Variants in REDIC1 observed in about 807,000 individuals in gnomAD.
REDIC1 encodes the protein regulator of DNA class I crossover intermediates 1.
the REDIC1 span, among the ~76,000 whole-genome samples, chr12:39,717,971 C>T: frequency 6.7e-6 from 1 of 148,282 alleles, no homozygotes. Flanking sequence ...CACCTTTCAC[C>T]TTTTTTTTTT....
At chr12:39,774,523 A>C in the REDIC1 span, among the ~76,000 whole-genome samples, 1 of 151,076 alleles carries the variant, frequency 6.6e-6, no homozygotes, top group Non-Finnish European at 1.5e-5. Flanking sequence ...ATGGTTTCCT[A>C]GCTTGCAGTG....
chr12:39,653,324 C>G, the REDIC1 span, among the ~76,000 whole-genome samples: 1 of 151,536 alleles, frequency 6.6e-6, no homozygotes, highest in African/African-American at 2.4e-5. Flanking sequence ...TTGGATTATT[C>G]CTCGGTAGTG....
the REDIC1 span, among the ~76,000 whole-genome samples, chr12:39,794,477 G>A: frequency 5.3e-5 from 8 of 152,168 alleles, no homozygotes; most frequent in African/African-American, 1.9e-4. Context: ...GCAATTTGAT[G>A]TATAAAATAG....
At chr12:39,683,025 T>C in the REDIC1 span, 4 of 1,613,212 alleles carry the variant, frequency 2.5e-6, no homozygotes, top group Admixed American at 5.0e-5. Flanking sequence ...AAACAAGTTA[T>C]CCAGAAAAAT....
the REDIC1 span, among the ~76,000 whole-genome samples, chr12:39,699,045 A>G: frequency 6.6e-6 from 1 of 152,236 alleles, no homozygotes; most frequent in African/African-American, 2.4e-5. Context: ...TATCAATGAA[A>G]AAAAGTTGGT....
the REDIC1 span, chr12:39,788,499 A>T: frequency 6.6e-6 from 1 of 152,198 alleles, no homozygotes; most frequent in Non-Finnish European, 1.5e-5. Context: ...TGATTTCATC[A>T]CACTACTCAA....
the REDIC1 span, among the ~76,000 whole-genome samples, chr12:39,707,435 T>C: frequency 6.6e-6 from 1 of 151,898 alleles, no homozygotes; most frequent in African/African-American, 2.4e-5. Flanking sequence ...ACAACCACTA[T>C]GGAGAATAGT....
At chr12:39,856,973 C>T in the REDIC1 span, among the ~76,000 whole-genome samples, 1 of 152,150 alleles carries the variant, frequency 6.6e-6, no homozygotes, top group Non-Finnish European at 1.5e-5. Context: ...ATTGCTGTCA[C>T]AGTCCTGGAT....
At chr12:39,872,444 A>T in the REDIC1 span, among the ~76,000 whole-genome samples, 1 of 152,018 alleles carries the variant, frequency 6.6e-6, no homozygotes, top group African/African-American at 2.4e-5. Flanking sequence ...AAAAAGACAC[A>T]ATGAGTAAGA....
the REDIC1 span, among the ~76,000 whole-genome samples, chr12:39,718,887 T>C: frequency 6.6e-6 from 1 of 152,180 alleles, no homozygotes; most frequent in Non-Finnish European, 1.5e-5. Context: ...TCTCCAGCAT[T>C]AGATCCTTCA....
chr12:39,741,565 C>T, the REDIC1 span, among the ~76,000 whole-genome samples: 1 of 152,082 alleles, frequency 6.6e-6, no homozygotes, highest in Admixed American at 6.5e-5. Context: ...TATTTTGAGT[C>T]AATATGAGTG....
At chr12:39,790,111 T>G in the REDIC1 span, among the ~76,000 whole-genome samples, 21 of 69,974 alleles carry the variant, frequency 3.0e-4, no homozygotes, top group African/African-American at 9.0e-4. Context: ...TAAGATTCTG[T>G]GCATTCTTTT....
chr12:39,797,734 A>ACACACACATACG, the REDIC1 span, among the ~76,000 whole-genome samples: 120 of 19,396 alleles, frequency 6.2e-3, 1 homozygote, highest in African/African-American at 9.7e-3. Context: ...GTAAACACAC[A>ACACACACATACG]CACACACACA....
chr12:39,657,379 A>G, the REDIC1 span, among the ~76,000 whole-genome samples: 1 of 152,186 alleles, frequency 6.6e-6, no homozygotes, highest in Non-Finnish European at 1.5e-5. Flanking sequence ...AGTACACCCT[A>G]TGATGTTCCC....
At chr12:39,793,411 G>A in the REDIC1 span, among the ~76,000 whole-genome samples, 1 of 152,086 alleles carries the variant, frequency 6.6e-6, no homozygotes, top group African/African-American at 2.4e-5. Flanking sequence ...TTGATCTATA[G>A]AGTCAATGTA....
the REDIC1 span, among the ~76,000 whole-genome samples, chr12:39,809,282 T>C: frequency 1.3e-5 from 2 of 152,242 alleles, no homozygotes; most frequent in Non-Finnish European, 2.9e-5. Flanking sequence ...ATGTCTATTT[T>C]ACCAACATCA....
chr12:39,905,094 T>C, the REDIC1 span, among the ~76,000 whole-genome samples: 1 of 152,192 alleles, frequency 6.6e-6, no homozygotes, highest in East Asian at 1.9e-4. Flanking sequence ...ATGAGACTTC[T>C]GTTCATATGA....
chr12:39,837,151 A>G, the REDIC1 span, among the ~76,000 whole-genome samples: 1 of 129,368 alleles, frequency 7.7e-6, no homozygotes, highest in African/African-American at 3.1e-5. Context: ...GATATAGATC[A>G]ATGGAACAGA....
the REDIC1 span, among the ~76,000 whole-genome samples, chr12:39,739,155 G>A: frequency 6.6e-6 from 1 of 152,096 alleles, no homozygotes; most frequent in East Asian, 1.9e-4. Flanking sequence ...TTATAGATAA[G>A]ATCATGGTAT....
Sources: gnomAD v4.1 joint callset for allele counts (sites outside exome capture counted in the v4.1 genomes callset) on GRCh38, gnomAD v4.1.1 for gene constraint, MANE v1.5 for transcripts, NCBI Gene and HGNC (gene_info 2026-07-23, HGNC 2026-07-21) for gene names.